Variants in LRP5 observed in about 807,000 individuals in gnomAD.
LRP5 encodes the protein low-density lipoprotein receptor-related protein 5.
Under a neutral mutation model 154.1 loss-of-function variants are expected in LRP5, and 62 were observed. The observed-to-expected ratio is 0.40, with a 90% CI of 0.33 to 0.50. The LOEUF (loss-of-function observed/expected upper bound fraction) is 0.50. Ranked by LOEUF, LRP5 falls within the 20% of genes least tolerant of loss-of-function variation. LRP5 has a pLI of 0.55. For missense variants in LRP5, 1,915 were observed against 2,336.7 expected (o/e 0.82, Z 3.72); for synonymous variants, 966 against 1,011.5 (o/e 0.96, Z 0.85).
intron 7 of LRP5, among the ~76,000 whole-genome samples, chr11:68,400,792 C>T (rs903655168): frequency 1.3e-5 from 2 of 152,136 alleles, no homozygotes; most frequent in African/African-American, 2.4e-5. Context: ...AGCTCATACC[C>T]GTAATCCCAG....
chr11:68,446,482 A>G lies in LRP5; in HGVS notation c.4535A>G (p.Asn1512Ser). 6.2e-7 allele frequency: 1 copy of G among 1,614,172 alleles called. No homozygotes were observed. Among genetic ancestry groups the G allele is most frequent in the Non-Finnish European group, 8.5e-7 (1 of 1,180,024 alleles). ...CCGGCCACGGACCCCTCCCTGTACA[A>G]CATGGACATGTTCTACTCTTCAAAC... ...PSPATDPSLYNMDMFYSSNIP... is the reference protein window; with the variant it reads ...PSPATDPSLYSMDMFYSSNIP... The change falls in exon 22 of 23, where the codon AAC becomes AGC. Residue 1512 changes from asparagine (N) to serine (S), a missense_variant. Transcript: ENST00000294304.
In LRP5 at chr11:68,365,645, A is replaced by T. The variant is rs748493448; in HGVS notation, c.958A>T (p.Thr320Ser). Residue 320 changes from threonine to serine, a missense_variant, in exon 5 of 23, where the codon ACA becomes TCA. Thr to Ser is a moderately conservative substitution (Grantham distance 58, BLOSUM62 1). This residue lies in a region of LRP5 where 773 missense variants were observed against 1,100.9 expected (regional missense o/e 0.70). Transcript: ENST00000294304. ...CLLSPSEPFY[T>S]CACPTGVQLQ... Reference sequence around the variant, plus strand: ...GCTGTCCCCAAGCGAGCCTTTCTACACATGCGCCTGCCCCACGGGTGTGCA... The same window carrying T: ...GCTGTCCCCAAGCGAGCCTTTCTACTCATGCGCCTGCCCCACGGGTGTGCA... 2.5e-6 allele frequency: 4 copies of T among 1,589,170 alleles called. No individual in the cohort carries two copies. Among genetic ancestry groups the T allele is most frequent in the Non-Finnish European group, 3.4e-6 (4 of 1,164,840 alleles).
intron 1 of LRP5, among the ~76,000 whole-genome samples, chr11:68,323,486 A>C (rs1015674151): frequency 6.8e-6 from 1 of 147,936 alleles, no homozygotes; most frequent in Admixed American, 6.7e-5. Context: ...ATCACAGCCT[A>C]CTGCAGCCTC....
At position 68,437,002 on chromosome 11, in the gene LRP5, G is replaced by A. The variant is rs1003494389; in HGVS notation, c.4111+3G>A. On this transcript the variant is annotated splice_donor_region_variant and intron_variant, in intron 19 of 22. Coordinates refer to ENST00000294304, the MANE Select transcript of LRP5 (RefSeq NM_002335.4). The stretch of plus-strand genomic sequence containing the variant: ...CGGCTCCGACGAGCTCATGTGTGGT[G>A]AGCCAGCTTCTGGCACGGGGAAGGG... 2.3e-5 allele frequency: 37 copies of A among 1,612,690 alleles called. No individual in the cohort carries two copies. Among genetic ancestry groups the A allele is most frequent in the Non-Finnish European group, 3.1e-5 (36 of 1,179,540 alleles).
intron 5 of LRP5, among the ~76,000 whole-genome samples, chr11:68,375,677 C>T (rs1259781412): frequency 6.6e-6 from 1 of 152,226 alleles, no homozygotes; most frequent in African/African-American, 2.4e-5. Context: ...AGTTCGGTAA[C>T]ACCTTCAAGA....
rs958727791 is a variant in LRP5 at position 68,444,583 on chromosome 11, C to A, written c.4489-1853C>A. On this transcript the variant is annotated intron_variant, in intron 21 of 22. Transcript: ENST00000294304. ...TCCCCAGCCCCCACCCCCCACCCCC[C>A]ACCCTGGGCCGAGATCCAGTCCTCT... Among the ~76,000 whole-genome samples, 169 of 124,834 alleles carry A rather than the reference C, an allele frequency of 1.4e-3. 2 individuals are homozygous for A. The highest frequency in any genetic ancestry group is 2.4e-3 in the Non-Finnish European group (145 of 60,264). The allele number at this position is 124,834 out of a possible 152,430, so 81.9% of individuals were successfully genotyped here. A position where few individuals can be genotyped will look rare whatever the true frequency, so the allele number is the denominator to read the frequency against.
chr11:68,377,135 A>G (rs1343898977), intron 5 of LRP5, among the ~76,000 whole-genome samples: 2 of 151,774 alleles, frequency 1.3e-5, no homozygotes, highest in Admixed American at 6.6e-5. Flanking sequence ...CCATGCAGCC[A>G]TGGGCCTGAG....
At chr11:68,384,068 C>T (rs1440055700) in intron 5 of LRP5, among the ~76,000 whole-genome samples, 14 of 152,198 alleles carry the variant, frequency 9.2e-5, no homozygotes, top group Non-Finnish European at 1.9e-4. Flanking sequence ...GCCTGCCTGC[C>T]TCAGTTTCCC....
At chr11:68,440,762 GTTTTC>G (rs1366791479) in intron 21 of LRP5, among the ~76,000 whole-genome samples, 1 of 151,842 alleles carries the variant, frequency 6.6e-6, no homozygotes, top group Non-Finnish European at 1.5e-5. Context: ...TTGTCTTCTT[GTTTTC>G]TTTTTCTTTT....
Position 68,448,942 on chromosome 11 carries a change from C to T in LRP5, c.4720C>T (p.Pro1574Ser). 6.2e-7 allele frequency: 1 copy of T among 1,613,326 alleles called. No individual in the cohort carries two copies. Among genetic ancestry groups the T allele is most frequent in the Non-Finnish European group, 8.5e-7 (1 of 1,179,968 alleles). ...TTTGAACTCGGACTCAGACCCCTATCCACCCCCACCCACGCCCCACAGCCA... is the reference window on the plus strand; with the variant it reads ...TTTGAACTCGGACTCAGACCCCTATTCACCCCCACCCACGCCCCACAGCCA... ...LDLNSDSDPY[P>S]PPPTPHSQYL... is the part of the protein sequence containing the mutation. The change falls in exon 23 of 23, where the codon CCA (proline) becomes TCA (serine). Residue 1574 changes from proline to serine, a missense_variant. By Grantham distance (74) the Pro-to-Ser change is moderately conservative. This residue lies in a region of LRP5 where 1,094 missense variants were observed against 1,210.1 expected (regional missense o/e 0.90). Transcript: ENST00000294304.
intron 5 of LRP5, among the ~76,000 whole-genome samples, chr11:68,379,148 C>T (rs185731463): frequency 5.9e-5 from 9 of 152,288 alleles, no homozygotes; most frequent in African/African-American, 1.9e-4. Context: ...TTTCATTTAT[C>T]GTTCATGCAA....
chr11:68,361,351 G>A lies in LRP5; in HGVS notation c.687-2396G>A, dbSNP rs529976083. Among the ~76,000 whole-genome samples, 3 of 141,964 alleles carry A rather than the reference G, an allele frequency of 2.1e-5. No homozygotes were observed. In the Admixed American group the frequency reaches 2.1e-4, roughly 10 times the overall value. 93.1% of individuals were successfully genotyped at this position (141,964 alleles called of 152,430 possible). On this transcript the variant is annotated intron_variant, in intron 3 of 22. Coordinates refer to ENST00000294304, the MANE Select transcript of LRP5 (RefSeq NM_002335.4). The stretch of plus-strand genomic sequence containing the variant: ...AAATAATAAAATTAAAAAATTAAAA[G>A]TAAGGCCGGGCGTGGTGGCTCACGC...
intron 13 of LRP5, among the ~76,000 whole-genome samples, chr11:68,421,380 A>G (rs1047909776): frequency 6.6e-6 from 1 of 152,158 alleles, no homozygotes; most frequent in South Asian, 2.1e-4. Context: ...CGTTTCTCAG[A>G]TGGTGGTTCT....
At position 68,423,898 on chromosome 11, in the gene LRP5, A is replaced by G. The variant is rs1186960795; in HGVS notation, c.3236+201A>G. Among the ~76,000 whole-genome samples the G allele has an allele frequency of 6.6e-6, 1 of 152,220 alleles. No individual in the cohort carries two copies. The highest frequency in any genetic ancestry group is 1.5e-5 in the Non-Finnish European group (1 of 68,010). ...AGAAAGCCCCAAGGGCTGGAAGGGA[A>G]GGGGGAGCTCTGCTGAGAGGTTACA... On this transcript the variant is annotated intron_variant, in intron 14 of 22. Coordinates refer to ENST00000294304, the MANE Select transcript of LRP5 (RefSeq NM_002335.4). The surrounding 1 kb of genome is among the most constrained non-coding windows in gnomAD (Gnocchi z 4.7).
At position 68,403,695 on chromosome 11, in the gene LRP5, C is replaced by T. The variant is rs554437931; in HGVS notation, c.1797C>T (p.Val599=). The T allele has an allele frequency of 1.3e-5, 21 of 1,613,470 alleles. No homozygotes were observed. The South Asian group carries it at 2.0e-4, about 15-fold the overall frequency. ...TCAAAGCTGTGAATGTGGCCAAGGT[C>T]GTCGGTGAGTCCGGGGGGTCCCAAG... ...MGLKAVNVAK[V]VGTNPCADRN... is the part of the protein sequence containing the mutation. Residue 599 remains valine, a synonymous_variant, in exon 8 of 23, where the codon GTC becomes GTT. Transcript: ENST00000294304.
intron 1 of LRP5, among the ~76,000 whole-genome samples, chr11:68,329,773 A>T (rs79665572): frequency 0.055 from 8,310 of 152,234 alleles, 247 homozygotes; most frequent in Middle Eastern, 0.15. Flanking sequence ...CGCCCCACTG[A>T]CTGACACCCC....
chr11:68,309,035 G>A (rs1378159431), upstream of LRP5, among the ~76,000 whole-genome samples: 17 of 144,346 alleles, frequency 1.2e-4, no homozygotes, highest in African/African-American at 3.9e-4. Context: ...CCAGGTTCAC[G>A]CCATTCTCCT....
Position 68,410,229 on chromosome 11 carries a change from G to C in LRP5, c.2318+89G>C. The C allele has an allele frequency of 3.7e-6, 4 of 1,071,388 alleles. 1 individual carries two copies. In the South Asian group the frequency reaches 5.3e-5, roughly 14 times the overall value. 66.4% of individuals were successfully genotyped at this position (1,071,388 alleles called of 1,614,324 possible). On this transcript the variant is annotated intron_variant, in intron 10 of 22. Transcript: ENST00000294304. The stretch of plus-strand genomic sequence containing the variant: ...AACTGGGCAAGGTGGCAGGCTGTCC[G>C]TGTGGCCCTCGGTGATTAGAGCTGT...
At chr11:68,343,742 G>T (rs1045438766) in intron 1 of LRP5, among the ~76,000 whole-genome samples, 1 of 152,110 alleles carries the variant, frequency 6.6e-6, no homozygotes, top group African/African-American at 2.4e-5. Context: ...CTGCCCTCAG[G>T]CCTCAGTGCT....
Sources: gnomAD v4.1 joint callset for allele counts (sites outside exome capture counted in the v4.1 genomes callset) on GRCh38, gnomAD v4.1.1 for gene constraint, gnomAD v4.1.1 regional missense constraint, Gnocchi (gnomAD v3.1) non-coding constraint, MANE v1.5 for transcripts, NCBI Gene and HGNC (gene_info 2026-07-23, HGNC 2026-07-21) for gene names.